The following CASTOR2 variants were observed in gnomAD, a reference collection of about 807,000 sequenced individuals.
CASTOR2 encodes the protein GATS protein like 2.
In CASTOR2, 8 loss-of-function variants were observed where a neutral mutation model predicts 31.2. The observed-to-expected ratio is 0.26, with a 90% CI of 0.15 to 0.46. The LOEUF is 0.46. Among genes scored for constraint, CASTOR2 ranks in the 20% least tolerant of loss-of-function variants. The probability of loss-of-function intolerance (pLI) is 0.99; values close to 1 mark genes in which losing one functional copy is unlikely to be tolerated. For synonymous variants in CASTOR2, 162 were observed against 158.7 expected (o/e 1.02, Z -0.16); for missense variants, 216 against 382.1 (o/e 0.57, Z 3.62).
At chr7:74,977,397 T>C (rs1554435860) in intron 1 of CASTOR2, among the ~76,000 whole-genome samples, 1 of 150,184 alleles carries the variant, frequency 6.7e-6, no homozygotes, top group African/African-American at 2.4e-5. Flanking sequence ...CATTTTTTTT[T>C]TGAGATGGAG....
intron 1 of CASTOR2, among the ~76,000 whole-genome samples, chr7:74,971,060 A>G (rs1468663347): frequency 2.0e-5 from 3 of 150,954 alleles, no homozygotes; most frequent in Admixed American, 6.6e-5. Context: ...TAGTGGTGCA[A>G]TCTCAGCTCA....
chr7:74,969,981 G>C (rs1803644903), intron 1 of CASTOR2, among the ~76,000 whole-genome samples: 1 of 148,504 alleles, frequency 6.7e-6, no homozygotes, highest in African/African-American at 2.5e-5. Flanking sequence ...CTTTGGAGAA[G>C]TACAATGGCA....
chr7:74,965,888 T>A (rs1293723412), intron 1 of CASTOR2, among the ~76,000 whole-genome samples: 2,953 of 24,958 alleles, frequency 0.12, 350 homozygotes, highest in Middle Eastern at 0.25. Context: ...ACACACTCTC[T>A]CTCTCTCTCT....
rs1212246597 is a variant in CASTOR2 at position 74,985,338 on chromosome 7, G to A, written c.113+20240G>A. On this transcript the variant is annotated intron_variant, in intron 1 of 8. Coordinates refer to ENST00000616305, the MANE Select transcript of CASTOR2 (RefSeq NM_001145064.3). ...GACAATGGCTCACACTCAGCATTTT[G>A]GGAGGCTGAAGTGATGGAGTTGCTT... is the stretch of plus-strand genomic sequence containing the variant. 1.1e-4 allele frequency among the ~76,000 whole-genome samples: 16 copies of A among 152,092 alleles called. No individual in the cohort carries two copies. The South Asian group carries it at 3.3e-3, about 32-fold the overall frequency.
chr7:75,017,982 GC>G lies in CASTOR2; in HGVS notation c.379-4del. The G allele has an allele frequency of 3.1e-6, 5 of 1,614,166 alleles. No homozygotes were observed. Among genetic ancestry groups the G allele is most frequent in the Non-Finnish European group, 4.2e-6 (5 of 1,180,034 alleles). On this transcript the variant is annotated splice_polypyrimidine_tract_variant and splice_region_variant and intron_variant, in intron 3 of 8. Transcript: ENST00000616305. ...CAGGCACACACGGCCTCAACTTCTTGCCCCTAGGTGCGCGAGCGGGACCTGC... is the reference window on the plus strand; with the variant it reads ...CAGGCACACACGGCCTCAACTTCTTGCCCTAGGTGCGCGAGCGGGACCTGC...
intron 1 of CASTOR2, among the ~76,000 whole-genome samples, chr7:74,984,980 T>C (rs1368085872): frequency 6.6e-6 from 1 of 151,762 alleles, no homozygotes; most frequent in African/African-American, 2.4e-5. Flanking sequence ...CTACTAAAAA[T>C]ACAAAAATTA....
intron 1 of CASTOR2, among the ~76,000 whole-genome samples, chr7:74,982,216 T>G (rs1170420605): frequency 7.1e-6 from 1 of 141,060 alleles, no homozygotes. Context: ...CTACCCTCCT[T>G]CATTGCCTTA....
At chr7:75,015,259 C>T (rs1318234330) in intron 2 of CASTOR2, among the ~76,000 whole-genome samples, 1 of 152,068 alleles carries the variant, frequency 6.6e-6, no homozygotes, top group Non-Finnish European at 1.5e-5. Flanking sequence ...CTTTGAGCCC[C>T]TCTCTCCCTT....
chr7:74,998,598 C>A, intron 1 of CASTOR2, among the ~76,000 whole-genome samples: 1 of 56,802 alleles, frequency 1.8e-5, no homozygotes, highest in Admixed American at 2.5e-4. Flanking sequence ...GAGACTCCAT[C>A]TCAAAAAAAA....
In CASTOR2 at chr7:75,031,048, T is replaced by C. The variant is rs1805287435; in HGVS notation, c.*6349T>C. Among the ~76,000 whole-genome samples the C allele has an allele frequency of 6.6e-6, 1 of 152,216 alleles. No homozygotes were observed. The highest frequency in any genetic ancestry group is 1.9e-4 in the East Asian group (1 of 5,200). On this transcript the variant is annotated 3_prime_UTR_variant, in exon 9 of 9. Coordinates refer to ENST00000616305, the MANE Select transcript of CASTOR2 (RefSeq NM_001145064.3). ...CGGTTTCCCTTCCACTGCCTCAGTT[T>C]ACCTGTATTCAGAAGACAGTCTAGG...
chr7:74,965,876 ACACACACT>A (rs1803565255), intron 1 of CASTOR2, among the ~76,000 whole-genome samples: 1 of 22,294 alleles, frequency 4.5e-5, no homozygotes, highest in Non-Finnish European at 7.7e-5. Context: ...ACACACACAC[ACACACACT>A]CTCTCTCTCT....
In CASTOR2 at chr7:75,026,387, C is replaced by G. The variant is rs1386073697; in HGVS notation, c.*1688C>G. ...GTATTTTTTAATAGAGACGGGATTT[C>G]GTAACATTGCTCAGGCTGGTCTTGA... On this transcript the variant is annotated 3_prime_UTR_variant, in exon 9 of 9. Transcript: ENST00000616305. Among the ~76,000 whole-genome samples, 2 of 151,952 alleles carry G rather than the reference C, an allele frequency of 1.3e-5. No individual in the cohort carries two copies. The highest frequency in any genetic ancestry group is 2.9e-5 in the Non-Finnish European group (2 of 67,956).
chr7:75,014,887 GGCTATATCA>G (rs1804832734), intron 2 of CASTOR2, among the ~76,000 whole-genome samples: 1 of 152,244 alleles, frequency 6.6e-6, no homozygotes, highest in South Asian at 2.1e-4. Context: ...CCACCTCGGA[GGCTATATCA>G]GCAGCCGCTT....
rs1333717049 is a variant in CASTOR2, at chr7:74,977,899, G to A, written c.113+12801G>A. Among the ~76,000 whole-genome samples the A allele has an allele frequency of 1.3e-5, 2 of 150,472 alleles. 1 individual carries two copies. The highest frequency in any genetic ancestry group is 4.9e-5 in the African/African-American group (2 of 41,028). On this transcript the variant is annotated intron_variant, in intron 1 of 8. Transcript: ENST00000616305. ...TCACTATGTTGCCCAGGCTGGTCTCGAACTCCCGGGCCCAAGTAATCCTCC... is the reference window on the plus strand; with the variant it reads ...TCACTATGTTGCCCAGGCTGGTCTCAAACTCCCGGGCCCAAGTAATCCTCC...
At chr7:75,013,815 C>T (rs1245432727) in intron 2 of CASTOR2, among the ~76,000 whole-genome samples, 2 of 152,108 alleles carry the variant, frequency 1.3e-5, no homozygotes, top group Non-Finnish European at 2.9e-5. Context: ...GCAACCTCCA[C>T]CTCCCGGGTT....
In CASTOR2 at chr7:75,029,495, C is replaced by A. The variant is rs1288369642; in HGVS notation, c.*4796C>A. ...AGTAGCTGGGATTACAGGCACCCAC[C>A]ACCACGCTCGGCTAATTTTTGTATT... is the stretch of plus-strand genomic sequence containing the variant. On this transcript the variant is annotated 3_prime_UTR_variant, in exon 9 of 9. Coordinates refer to ENST00000616305, the MANE Select transcript of CASTOR2 (RefSeq NM_001145064.3). Among the ~76,000 whole-genome samples the A allele has an allele frequency of 6.6e-6, 1 of 151,894 alleles. No individual in the cohort carries two copies. The highest frequency in any genetic ancestry group is 1.5e-5 in the Non-Finnish European group (1 of 67,984).
intron 4 of CASTOR2, among the ~76,000 whole-genome samples, chr7:75,018,359 G>C (rs1298105984): frequency 6.6e-6 from 1 of 152,096 alleles, no homozygotes; most frequent in Non-Finnish European, 1.5e-5. Flanking sequence ...GACCAACATG[G>C]AGAAACCCCG....
intron 6 of CASTOR2, 110 bp downstream of exon 6, chr7:75,020,259 T>C (rs1441305034): frequency 2.3e-5 from 26 of 1,111,158 alleles, no homozygotes; most frequent in Non-Finnish European, 3.4e-5. Context: ...TTGTTTTTTT[T>C]TGATACGGGG....
intron 1 of CASTOR2, among the ~76,000 whole-genome samples, chr7:74,989,263 CTT>C (rs34799228): frequency 0.65 from 94,788 of 145,218 alleles, 33,045 homozygotes; most frequent in East Asian, 0.93. Context: ...CACGCCTGGC[CTT>C]TTTTTTTTTT....
Sources: allele counts gnomAD v4.1 joint callset (sites outside exome capture counted in the v4.1 genomes callset), GRCh38; gene constraint gnomAD v4.1.1; transcripts MANE v1.5; gene names NCBI Gene and HGNC (gene_info 2026-07-23, HGNC 2026-07-21).